Variants in EPHX2 observed in about 807,000 individuals in gnomAD.
EPHX2 encodes the protein epoxide hydrolase 2.
Under a neutral mutation model 78.7 loss-of-function variants are expected in EPHX2, and 74 were observed. That is an observed-to-expected ratio of 0.94 (90% CI 0.78 to 1.14). The LOEUF is 1.14. EPHX2 is among the 50% of genes most tolerant of loss of function. The pLI, the probability that EPHX2 is intolerant of heterozygous loss-of-function variation, is 0.00. For missense variants in EPHX2, 715 were observed against 702.5 expected, an observed-to-expected ratio of 1.02 and a Z score of -0.20; for synonymous variants, 251 against 255.2, an observed-to-expected ratio of 0.98 and a Z score of 0.16.
intron 8 of EPHX2, among the ~76,000 whole-genome samples, chr8:27,517,289 A>G (rs1814492071): frequency 6.7e-6 from 1 of 148,698 alleles, no homozygotes; most frequent in Non-Finnish European, 1.5e-5. Flanking sequence ...CATACTACCC[A>G]TTGATTTGGG....
At chr8:27,504,836 A>G in intron 3 of EPHX2, 120 bp from the exon 4 acceptor site, 2 of 998,220 alleles carry the variant, frequency 2.0e-6, no homozygotes, top group South Asian at 1.5e-5. Flanking sequence ...GTTGGGCATA[A>G]GAGATTAATA....
intron 5 of EPHX2, among the ~76,000 whole-genome samples, chr8:27,510,961 G>A (rs759588058): frequency 6.6e-6 from 1 of 152,034 alleles, no homozygotes; most frequent in Non-Finnish European, 1.5e-5. Flanking sequence ...AGGGAGAAGA[G>A]GCAGAGATTA....
intron 2 of EPHX2, among the ~76,000 whole-genome samples, chr8:27,501,877 T>C (rs535044042): frequency 6.4e-4 from 98 of 152,214 alleles, no homozygotes; most frequent in African/African-American, 2.3e-3. Context: ...AATTATATCA[T>C]GCTAAGGCTA....
chr8:27,545,931 T>G (rs1815567681), downstream of EPHX2, among the ~76,000 whole-genome samples: 1 of 152,098 alleles, frequency 6.6e-6, no homozygotes, highest in Admixed American at 6.6e-5. Flanking sequence ...CCTCTGATCC[T>G]TCCAGAGAGT....
At chr8:27,546,509 G>T (rs182977899), downstream of EPHX2, among the ~76,000 whole-genome samples, 1 of 152,320 alleles carries the variant, frequency 6.6e-6, no homozygotes, top group Non-Finnish European at 1.5e-5. Context: ...AGGACTGGGG[G>T]AAAGGCTTAC....
intron 14 of EPHX2, 144 bp from the exon 15 acceptor site, chr8:27,540,410 C>A (rs1041982457): frequency 3.1e-6 from 2 of 654,558 alleles, no homozygotes; most frequent in Non-Finnish European, 5.4e-6. Context: ...ATCACTCTGG[C>A]AAAGGATAAG....
At chr8:27,544,401 T>C in intron 18 of EPHX2, 43 bp from the exon 19 acceptor site, 1 of 1,611,538 alleles carries the variant, frequency 6.2e-7, no homozygotes. Context: ...TGCAGACAAG[T>C]GTGAATGGCT....
chr8:27,525,467 A>G lies in EPHX2; in HGVS notation c.1164A>G (p.Gln388=), dbSNP rs1224205109. The G allele has an allele frequency of 6.2e-7, 1 of 1,612,966 alleles. No homozygotes were observed. Among genetic ancestry groups the G allele is most frequent in the African/African-American group, 1.3e-5 (1 of 74,868 alleles). ...TATTTGATTACCAGCTCTACTTCCA[A>G]GAACCAGTAAGTATGGCACCAAGGG... ...NPVFDYQLYF[Q]EPGVAEAELE... Residue 388 remains glutamine (Q), a synonymous_variant, in exon 12 of 19, where the codon CAA becomes CAG. Transcript: ENST00000521400.
chr8:27,547,339 CAG>C (rs1815591789), downstream of EPHX2, among the ~76,000 whole-genome samples: 1 of 152,150 alleles, frequency 6.6e-6, no homozygotes, highest in African/African-American at 2.4e-5. Context: ...CTGGAACAAT[CAG>C]GGAAGATTTT....
chr8:27,535,554 G>A (rs918472771), intron 12 of EPHX2, among the ~76,000 whole-genome samples: 5 of 152,140 alleles, frequency 3.3e-5, no homozygotes, highest in African/African-American at 9.7e-5. Flanking sequence ...ACTACGTCTG[G>A]AACAGCTTTC....
intron 5 of EPHX2, among the ~76,000 whole-genome samples, chr8:27,511,424 G>T (rs1202405036): frequency 6.6e-6 from 1 of 152,264 alleles, no homozygotes; most frequent in Non-Finnish European, 1.5e-5. Context: ...GTGGCCAGTG[G>T]CCAGGGGCTT....
At chr8:27,539,347 T>G (rs538113332) in intron 14 of EPHX2, 1 of 152,388 alleles carries the variant, frequency 6.6e-6, no homozygotes, top group East Asian at 1.9e-4. Flanking sequence ...AACTCTGGAC[T>G]AACCCCCTTT....
At chr8:27,501,324 TTTCTTCTTC>T (rs796293855) in intron 2 of EPHX2, among the ~76,000 whole-genome samples, 10,395 of 102,850 alleles carry the variant, frequency 0.1, 670 homozygotes, top group Middle Eastern at 0.12. Context: ...TGCTATATAT[TTTCTTCTTC>T]TTCTTCTTCT....
chr8:27,542,904 A>G (rs918603883), intron 16 of EPHX2, among the ~76,000 whole-genome samples: 1 of 151,916 alleles, frequency 6.6e-6, no homozygotes, highest in African/African-American at 2.4e-5. Context: ...GGCCTCCCAA[A>G]GTGCTGGGAT....
At chr8:27,529,405 C>T (rs992967208) in intron 12 of EPHX2, among the ~76,000 whole-genome samples, 6 of 152,184 alleles carry the variant, frequency 3.9e-5, no homozygotes, top group Non-Finnish European at 7.3e-5. Flanking sequence ...TCCCAAAGTC[C>T]TCACTTGGCC....
chr8:27,520,780 C>A (rs113382957), intron 9 of EPHX2, 103 bp from the exon 10 acceptor site: 2 of 1,406,148 alleles, frequency 1.4e-6, no homozygotes, highest in African/African-American at 1.4e-5. Context: ...GGGGTTAGGA[C>A]TTCAACACAG....
chr8:27,493,568 C>T (rs1813464892), intron 1 of EPHX2, among the ~76,000 whole-genome samples: 2 of 152,126 alleles, frequency 1.3e-5, no homozygotes, highest in African/African-American at 4.8e-5. Flanking sequence ...ATTCCTAGCC[C>T]TATAAGTAGG....
chr8:27,508,094 A>G (rs925094090), intron 5 of EPHX2, among the ~76,000 whole-genome samples: 2 of 152,162 alleles, frequency 1.3e-5, no homozygotes, highest in Non-Finnish European at 2.9e-5. Context: ...TGATGTCAGG[A>G]GTTCGAGACC....
In EPHX2 at chr8:27,543,834, G is replaced by T; in HGVS notation, c.1530+5G>T. On this transcript the variant is annotated splice_donor_5th_base_variant and intron_variant, in intron 17 of 18. Coordinates refer to ENST00000521400, the MANE Select transcript of EPHX2 (RefSeq NM_001979.6). ...TCCCAGCACATGGAGGACTGGGTGA[G>T]GGAATGGCCCTGTACAAGGGTCATC... The T allele has an allele frequency of 6.2e-7, 1 of 1,614,120 alleles. No homozygotes were observed. The highest frequency in any genetic ancestry group is 8.5e-7 in the Non-Finnish European group (1 of 1,180,006).
Sources: allele counts gnomAD v4.1 joint callset (sites outside exome capture counted in the v4.1 genomes callset), GRCh38; gene constraint gnomAD v4.1.1; transcripts MANE v1.5; gene names NCBI Gene and HGNC (gene_info 2026-07-23, HGNC 2026-07-21).